VPS54: variants seen among roughly 807,000 people sequenced by gnomAD.
The protein encoded by VPS54 is vacuolar protein sorting-associated protein 54.
Under a neutral mutation model 121.5 loss-of-function variants are expected in VPS54, and 45 were observed. The observed-to-expected ratio is 0.37, with a 90% CI of 0.29 to 0.47. The LOEUF (loss-of-function observed/expected upper bound fraction) is 0.47. Among genes scored for constraint, VPS54 ranks in the 20% least tolerant of loss-of-function variants. The pLI, the probability that VPS54 is intolerant of heterozygous loss-of-function variation, is 0.99. For missense variants in VPS54, 1,090 were observed against 1,131.4 expected (o/e 0.96, Z 0.52); for synonymous variants, 371 against 385.8 (o/e 0.96, Z 0.45).
intron 12 of VPS54, among the ~76,000 whole-genome samples, chr2:63,926,369 C>A (rs1486384762): frequency 6.6e-6 from 1 of 152,186 alleles, no homozygotes; most frequent in East Asian, 1.9e-4. Flanking sequence ...AGCCTGAACA[C>A]AGAAGAAACT....
At chr2:63,976,610 C>A (rs1676543002) in intron 3 of VPS54, among the ~76,000 whole-genome samples, 1 of 151,960 alleles carries the variant, frequency 6.6e-6, no homozygotes, top group East Asian at 1.9e-4. Flanking sequence ...GATTCAATTT[C>A]TTTAATAAAT....
In VPS54 at chr2:63,981,750, T is replaced by C. The variant is rs767731193; in HGVS notation, c.274A>G (p.Lys92Glu). ...LAKRESDFFT[K>E]TWGLDFVDTE... is the part of the protein sequence containing the mutation. ...TCCACAAAGTCCAATCCCCATGTTTTTGTGAAGAAGTCAGATTCTCTTTTT... is the reference window on the plus strand; with the variant it reads ...TCCACAAAGTCCAATCCCCATGTTTCTGTGAAGAAGTCAGATTCTCTTTTT... The change falls in exon 3 of 23, where the codon AAA (lysine) becomes GAA (glutamate). Residue 92 changes from lysine to glutamate, a missense_variant. This residue lies in a region of VPS54 where 801 missense variants were observed against 757.0 expected (regional missense o/e 1.06). Transcript: ENST00000272322. The C allele has an allele frequency of 3.1e-6, 5 of 1,613,686 alleles. No homozygotes were observed. Among genetic ancestry groups the C allele is most frequent in the Non-Finnish European group, 4.2e-6 (5 of 1,179,792 alleles).
intron 12 of VPS54, among the ~76,000 whole-genome samples, chr2:63,922,484 G>A (rs1673691529): frequency 6.6e-6 from 1 of 152,152 alleles, no homozygotes; most frequent in African/African-American, 2.4e-5. Context: ...GTTTACTAAT[G>A]CTTCAAAATA....
chr2:63,896,241 C>T (rs932170382), intron 22 of VPS54, among the ~76,000 whole-genome samples: 2 of 152,044 alleles, frequency 1.3e-5, no homozygotes, highest in Admixed American at 6.6e-5. Context: ...TCAGGTATTA[C>T]GGTTGTATAA....
chr2:63,899,618 C>A, intron 20 of VPS54, 37 bp from the exon 21 acceptor site: 3 of 1,536,494 alleles, frequency 2.0e-6, no homozygotes, highest in Non-Finnish European at 2.7e-6. Context: ...TGTTCATGTC[C>A]TCTGAATTGC....
chr2:63,905,503 T>C (rs11125986), intron 20 of VPS54, among the ~76,000 whole-genome samples: 118,352 of 151,884 alleles, frequency 0.78, 47,432 homozygotes, highest in African/African-American at 0.89. Flanking sequence ...CCCACATAGT[T>C]CTATATGTAT....
chr2:63,988,147 C>A (rs1254162769), intron 1 of VPS54, among the ~76,000 whole-genome samples: 2 of 152,178 alleles, frequency 1.3e-5, no homozygotes, highest in African/African-American at 4.8e-5. Context: ...GTGATAACAG[C>A]TATGGGTCTG....
At chr2:63,901,061 C>G (rs1672662057) in intron 20 of VPS54, among the ~76,000 whole-genome samples, 1 of 152,012 alleles carries the variant, frequency 6.6e-6, no homozygotes, top group Non-Finnish European at 1.5e-5. Context: ...CGTCCGACCT[C>G]AAATCCGTTT....
At chr2:63,908,381 T>C (rs1279362206) in intron 20 of VPS54, among the ~76,000 whole-genome samples, 1 of 152,114 alleles carries the variant, frequency 6.6e-6, no homozygotes, top group African/African-American at 2.4e-5. Context: ...TGGACAAATA[T>C]CAGATCAGTA....
intron 11 of VPS54, 123 bp from the exon 12 acceptor site, chr2:63,934,136 T>C (rs1575927238): frequency 2.5e-6 from 2 of 806,964 alleles, no homozygotes; most frequent in South Asian, 4.0e-5. Flanking sequence ...AAGTCATGTA[T>C]ATCAGAATTT....
chr2:63,997,740 T>G (rs1038642340), intron 1 of VPS54, among the ~76,000 whole-genome samples: 1 of 152,034 alleles, frequency 6.6e-6, no homozygotes, highest in Non-Finnish European at 1.5e-5. Context: ...TTCCACTAAT[T>G]TTGTTTGGCT....
intron 11 of VPS54, among the ~76,000 whole-genome samples, chr2:63,937,003 T>C (rs1674485748): frequency 6.6e-6 from 1 of 151,950 alleles, no homozygotes; most frequent in African/African-American, 2.4e-5. Context: ...CAAACTAAAG[T>C]CAATTAAAGG....
intron 1 of VPS54, among the ~76,000 whole-genome samples, chr2:63,985,788 G>A (rs766897871): frequency 6.6e-6 from 1 of 152,096 alleles, no homozygotes; most frequent in Non-Finnish European, 1.5e-5. Flanking sequence ...CAAAAGTTCT[G>A]TGATGAAAAT....
At chr2:63,954,050 G>A (rs536338656) in intron 7 of VPS54, among the ~76,000 whole-genome samples, 2 of 152,174 alleles carry the variant, frequency 1.3e-5, no homozygotes, top group East Asian at 3.9e-4. Flanking sequence ...CACTACAAAA[G>A]CCTAGAAATA....
chr2:64,008,392 T>G (rs1362919318), intron 1 of VPS54, among the ~76,000 whole-genome samples: 2 of 143,950 alleles, frequency 1.4e-5, no homozygotes, highest in African/African-American at 5.3e-5. Context: ...CCAGCCTGGG[T>G]GACAGAGCGC....
rs559665602 is a variant in VPS54, at chr2:63,910,697, G to A, written c.2625+1648C>T. 2.6e-5 allele frequency among the ~76,000 whole-genome samples: 4 copies of A among 152,238 alleles called. 1 individual carries two copies. The highest frequency in any genetic ancestry group is 9.6e-5 in the African/African-American group (4 of 41,534). Reference sequence around the variant, plus strand: ...ATTGTTAATAACGAATATAGGTCATGCATACATGGGAAGTTAATTAAACAA... The same window carrying A: ...ATTGTTAATAACGAATATAGGTCATACATACATGGGAAGTTAATTAAACAA... On this transcript the variant is annotated intron_variant, in intron 20 of 22. Transcript: ENST00000272322.
At chr2:63,999,787 CTTTT>C (rs1677784043) in intron 1 of VPS54, among the ~76,000 whole-genome samples, 1 of 151,874 alleles carries the variant, frequency 6.6e-6, no homozygotes, top group South Asian at 2.1e-4. Context: ...ATTCTTTTTT[CTTTT>C]GTCTTCTCTG....
intron 20 of VPS54, among the ~76,000 whole-genome samples, chr2:63,902,420 G>C (rs1359298724): frequency 1.3e-5 from 2 of 152,130 alleles, no homozygotes; most frequent in Non-Finnish European, 2.9e-5. Context: ...CAGACACCTA[G>C]CTTGGTTATT....
At chr2:63,897,432 A>G (rs1672492295) in intron 22 of VPS54, 64 bp downstream of exon 22, 6 of 1,179,630 alleles carry the variant, frequency 5.1e-6, no homozygotes, top group African/African-American at 1.6e-5. Flanking sequence ...GGCACAAATA[A>G]TCAAAACTGA....
Sources: allele counts gnomAD v4.1 joint callset (sites outside exome capture counted in the v4.1 genomes callset), GRCh38; gene constraint gnomAD v4.1.1; regional missense constraint gnomAD v4.1.1; transcripts MANE v1.5; gene names NCBI Gene and HGNC (gene_info 2026-07-23, HGNC 2026-07-21).